The following STK4 variants were observed in gnomAD, a reference collection of about 807,000 sequenced individuals.
STK4 encodes serine/threonine kinase 4.
In STK4, 30 loss-of-function variants were observed where a neutral mutation model predicts 64.9. The ratio of observed to expected loss-of-function variants is 0.46; its 90% CI spans 0.35 to 0.63. The LOEUF (loss-of-function observed/expected upper bound fraction) is 0.63, where lower values mean the gene tolerates loss of function less well. STK4 is among the 20% of genes least tolerant of loss of function. The pLI is 0.01. For missense variants in STK4, 466 were observed against 598.5 expected, an observed-to-expected ratio of 0.78 and a Z score of 2.31; for synonymous variants, 177 against 199.0, an observed-to-expected ratio of 0.89 and a Z score of 0.93.
chr20:45,048,121 C>T (rs189226616), intron 10 of STK4, among the ~76,000 whole-genome samples: 67 of 152,130 alleles, frequency 4.4e-4, no homozygotes, highest in African/African-American at 1.4e-3. Flanking sequence ...ACACCCAGGA[C>T]GCCAACATGA....
intron 9 of STK4, among the ~76,000 whole-genome samples, chr20:45,010,984 G>T (rs988700034): frequency 1.3e-5 from 2 of 152,160 alleles, no homozygotes; most frequent in South Asian, 4.1e-4. Flanking sequence ...ATTAAGGTGG[G>T]ATTTGATTGA....
chr20:45,049,148 G>A (rs1408935858), intron 10 of STK4, among the ~76,000 whole-genome samples: 2 of 152,184 alleles, frequency 1.3e-5, no homozygotes, highest in Non-Finnish European at 2.9e-5. Context: ...TCATCAAGCA[G>A]AGTTCACATT....
intron 2 of STK4, chr20:44,973,145 A>T (rs1474073767): frequency 6.6e-6 from 1 of 152,210 alleles, no homozygotes; most frequent in Non-Finnish European, 1.5e-5. Flanking sequence ...GCTCTTTAAA[A>T]TAATTTCCTT....
chr20:45,057,839 A>G (rs571901547), intron 10 of STK4, among the ~76,000 whole-genome samples: 1 of 152,352 alleles, frequency 6.6e-6, no homozygotes, highest in South Asian at 2.1e-4. Context: ...GAATTTATAC[A>G]CATTTGAGAA....
intron 10 of STK4, among the ~76,000 whole-genome samples, chr20:45,059,027 G>C (rs1001468466): frequency 1.1e-4 from 16 of 152,062 alleles, no homozygotes; most frequent in Admixed American, 2.0e-4. Context: ...TGTCAATGGG[G>C]GAATATGTTC....
At chr20:45,059,602 T>C (rs1978815509) in intron 10 of STK4, among the ~76,000 whole-genome samples, 1 of 152,196 alleles carries the variant, frequency 6.6e-6, no homozygotes, top group South Asian at 2.1e-4. Context: ...ATCATGCGTC[T>C]CAGAATGGCA....
intron 10 of STK4, among the ~76,000 whole-genome samples, chr20:45,038,799 T>TA (rs370476871): frequency 2.3e-4 from 35 of 151,008 alleles, no homozygotes; most frequent in East Asian, 9.7e-4. Flanking sequence ...TTTATTTACT[T>TA]AAAAAAAAAG....
intron 10 of STK4, among the ~76,000 whole-genome samples, chr20:45,056,092 A>G (rs1348887314): frequency 6.6e-6 from 1 of 152,188 alleles, no homozygotes; most frequent in Non-Finnish European, 1.5e-5. Context: ...ATACTATTTC[A>G]ACTACCTGCC....
At chr20:45,063,460 G>T (rs758651172) in intron 10 of STK4, among the ~76,000 whole-genome samples, 1 of 152,140 alleles carries the variant, frequency 6.6e-6, no homozygotes, top group South Asian at 2.1e-4. Context: ...TTATAAATTC[G>T]TTTAAGTTCC....
At chr20:44,969,505 T>TTG (rs751941906) in intron 1 of STK4, among the ~76,000 whole-genome samples, 1 of 125,138 alleles carries the variant, frequency 8.0e-6, no homozygotes, top group Non-Finnish European at 1.8e-5. Context: ...AGTTTGACAT[T>TTG]TGTGTGTGTG....
Position 44,967,053 on chromosome 20 carries a change from T to TG in STK4, c.35+456dup, listed in dbSNP as rs1415650923. On this transcript the variant is annotated intron_variant, in intron 1 of 10. Coordinates refer to ENST00000372806, the MANE Select transcript of STK4 (RefSeq NM_006282.5). ...CTGAAGTCCCACTTGAGGGGTGCGG[T>TG]GGGGGGATCTGTGGAGGGGAAAAGC... 27 of 736,730 alleles carry TG rather than the reference T, an allele frequency of 3.7e-5. No homozygotes were observed. In the South Asian group the frequency reaches 1.1e-3, roughly 30 times the overall value. The allele number at this position is 736,730 out of a possible 1,614,324, so 45.6% of individuals were successfully genotyped here. A position where few individuals can be genotyped will look rare whatever the true frequency, so the allele number is the denominator to read the frequency against.
intron 10 of STK4, among the ~76,000 whole-genome samples, chr20:45,032,534 T>A (rs1168403623): frequency 6.6e-6 from 1 of 152,238 alleles, no homozygotes. Flanking sequence ...TTTGGTTTTC[T>A]GTCCTTGTGT....
At chr20:45,021,257 G>A (rs915995403) in intron 9 of STK4, among the ~76,000 whole-genome samples, 4 of 152,162 alleles carry the variant, frequency 2.6e-5, no homozygotes, top group Admixed American at 6.5e-5. Flanking sequence ...AATTGTTGTG[G>A]CCATTTTTAA....
rs1979443931 is a variant in STK4, at chr20:45,065,050, T to A, written c.1306-9968T>A. 2.0e-5 allele frequency among the ~76,000 whole-genome samples: 3 copies of A among 152,304 alleles called. No individual in the cohort carries two copies. In the South Asian group the frequency reaches 6.2e-4, roughly 32 times the overall value. ...GGTTTTCAGAGGGAATGCTTCCAAC[T>A]TTTGCCCATTTAGTATGATGTTTGC... On this transcript the variant is annotated intron_variant, in intron 10 of 10. Transcript: ENST00000372806.
At position 45,001,283 on chromosome 20, in the gene STK4, C is replaced by T. The variant is rs561228188; in HGVS notation, c.1077C>T (p.Asp359=). Residue 359 remains aspartate (D), a synonymous_variant, in exon 9 of 11, where the codon GAC becomes GAT. Coordinates refer to ENST00000372806, the MANE Select transcript of STK4 (RefSeq NM_006282.5). ...CCAATACTATGATTGAGCACGATGACACGTTGCCATCACAACTGGGCACCA... is the reference window on the plus strand; with the variant it reads ...CCAATACTATGATTGAGCACGATGATACGTTGCCATCACAACTGGGCACCA... ...DGANTMIEHD[D]TLPSQLGTMV... is the part of the protein sequence containing the mutation. 26 of 1,614,146 alleles carry T rather than the reference C, an allele frequency of 1.6e-5. No individual in the cohort carries two copies. In the East Asian group the frequency reaches 5.1e-4, roughly 32 times the overall value.
chr20:45,026,216 G>C (rs2068343719), intron 10 of STK4, among the ~76,000 whole-genome samples: 1 of 149,456 alleles, frequency 6.7e-6, no homozygotes. Flanking sequence ...CATCCCTCAT[G>C]GAGGTTTCAT....
At chr20:45,005,108 C>A (rs1174719756) in intron 9 of STK4, among the ~76,000 whole-genome samples, 2 of 152,066 alleles carry the variant, frequency 1.3e-5, no homozygotes, top group Non-Finnish European at 2.9e-5. Context: ...TGAGTCCTCA[C>A]CGCCATCACT....
At chr20:44,979,372 C>T (rs142556248) in intron 3 of STK4, among the ~76,000 whole-genome samples, 74 of 152,126 alleles carry the variant, frequency 4.9e-4, no homozygotes, top group African/African-American at 1.5e-3. Flanking sequence ...AGAGTACCTA[C>T]GTATTTATTT....
intron 9 of STK4, among the ~76,000 whole-genome samples, chr20:45,013,563 G>A (rs1698637715): frequency 6.6e-6 from 1 of 152,094 alleles, no homozygotes; most frequent in Admixed American, 6.5e-5. Context: ...TTTAAAAACT[G>A]CTTATTTAAA....
Sources: gnomAD v4.1 joint callset for allele counts (sites outside exome capture counted in the v4.1 genomes callset) on GRCh38, gnomAD v4.1.1 for gene constraint, MANE v1.5 for transcripts, NCBI Gene and HGNC (gene_info 2026-07-23, HGNC 2026-07-21) for gene names.